MICOS10: variants seen among roughly 807,000 people sequenced by gnomAD.
MICOS10 encodes mitochondrial contact site and cristae organizing system subunit 10.
MICOS10 carries 5 observed loss-of-function variants against 13.4 expected under a neutral mutation model. The observed-to-expected ratio is 0.37, with a 90% CI of 0.20 to 0.78. MICOS10 has a LOEUF of 0.78. Among genes scored for constraint, MICOS10 ranks in the 30% least tolerant of loss-of-function variants. MICOS10 has a pLI of 0.47. For missense variants in MICOS10, 101 were observed against 94.6 expected (o/e 1.07, Z -0.28); for synonymous variants, 35 against 33.6 (o/e 1.04, Z -0.15).
chr1:19,600,058 G>A (rs1399626514), intron 1 of MICOS10, among the ~76,000 whole-genome samples: 2 of 151,912 alleles, frequency 1.3e-5, no homozygotes, highest in East Asian at 1.9e-4. Context: ...GGGAATTGAC[G>A]TAATATATTA....
chr1:19,613,362 G>T (rs573834755), intron 1 of MICOS10, among the ~76,000 whole-genome samples: 7 of 152,290 alleles, frequency 4.6e-5, no homozygotes, highest in African/African-American at 1.7e-4. Flanking sequence ...ATTGCTTACA[G>T]GGTAGAGGCC....
intron 1 of MICOS10, among the ~76,000 whole-genome samples, chr1:19,616,348 T>C (rs1480564837): frequency 6.6e-6 from 1 of 152,174 alleles, no homozygotes; most frequent in Non-Finnish European, 1.5e-5. Context: ...CCAGTTACTG[T>C]TGGTACAGAT....
At chr1:19,607,263 G>C (rs1013445005) in intron 1 of MICOS10, among the ~76,000 whole-genome samples, 1 of 152,210 alleles carries the variant, frequency 6.6e-6, no homozygotes, top group Non-Finnish European at 1.5e-5. Context: ...TGACCTTCTA[G>C]ATTCTGTTAG....
intron 1 of MICOS10, among the ~76,000 whole-genome samples, chr1:19,621,119 G>A (rs1208642031): frequency 3.9e-5 from 6 of 152,110 alleles, no homozygotes; most frequent in Non-Finnish European, 7.3e-5. Context: ...GAGGCAAGTC[G>A]CCTTAAAATT....
intron 1 of MICOS10, chr1:19,614,381 CTT>C (rs1187211233): frequency 1.4e-5 from 2 of 144,410 alleles, no homozygotes; most frequent in Admixed American, 1.3e-4. Flanking sequence ...CCCACTCTCT[CTT>C]TCACACACAC....
chr1:19,619,991 G>A (rs1476035939), intron 1 of MICOS10, among the ~76,000 whole-genome samples: 2 of 152,230 alleles, frequency 1.3e-5, no homozygotes, highest in Non-Finnish European at 2.9e-5. Context: ...AGACAGCATG[G>A]ACTTTTGAGA....
At chr1:19,606,449 C>T (rs1030229532) in intron 1 of MICOS10, among the ~76,000 whole-genome samples, 2 of 152,116 alleles carry the variant, frequency 1.3e-5, no homozygotes, top group South Asian at 2.1e-4. Context: ...TTCCTTGTTA[C>T]GAAAGTATGG....
intron 2 of MICOS10, among the ~76,000 whole-genome samples, chr1:19,622,376 C>T (rs1206735656): frequency 6.6e-6 from 1 of 152,176 alleles, no homozygotes; most frequent in Non-Finnish European, 1.5e-5. Flanking sequence ...GGCAGGGTGC[C>T]TGTTATCCTA....
At chr1:19,621,823 C>G (rs1166437416) in intron 1 of MICOS10, among the ~76,000 whole-genome samples, 3 of 152,096 alleles carry the variant, frequency 2.0e-5, no homozygotes, top group African/African-American at 7.2e-5. Context: ...AGAGAGGGTC[C>G]ACTCTAGAAC....
At chr1:19,616,631 A>T (rs2094885462) in intron 1 of MICOS10, among the ~76,000 whole-genome samples, 1 of 152,192 alleles carries the variant, frequency 6.6e-6, no homozygotes, top group Non-Finnish European at 1.5e-5. Flanking sequence ...AACCATGGAT[A>T]GTGTTAAAAT....
In MICOS10 at chr1:19,620,335, A is replaced by G. The variant is rs1230245734; in HGVS notation, c.65-1765A>G. On this transcript the variant is annotated intron_variant, in intron 1 of 3. Transcript: ENST00000322753. The stretch of plus-strand genomic sequence containing the variant: ...TTTGAAGCAACATGTTGCCTTTTAA[A>G]AGAGAATTGTGCATGTGAGAACTTG... Among the ~76,000 whole-genome samples the G allele has an allele frequency of 2.0e-5, 3 of 152,244 alleles. No homozygotes were observed. The East Asian group carries it at 5.8e-4, about 29-fold the overall frequency.
intron 1 of MICOS10, among the ~76,000 whole-genome samples, chr1:19,615,995 T>C (rs532306910): frequency 6.6e-6 from 1 of 152,228 alleles, no homozygotes; most frequent in East Asian, 1.9e-4. Flanking sequence ...CTTCGTTTAC[T>C]GCAATCTTCG....
intron 1 of MICOS10, 28 bp downstream of exon 1, chr1:19,597,137 C>T (rs751901934): frequency 2.5e-6 from 4 of 1,595,814 alleles, no homozygotes; most frequent in South Asian, 1.1e-5. Context: ...CCAGCAGGCC[C>T]GGCCGGTGCA....
chr1:19,613,536 C>G (rs2094872045), intron 1 of MICOS10, among the ~76,000 whole-genome samples: 1 of 152,188 alleles, frequency 6.6e-6, no homozygotes, highest in Non-Finnish European at 1.5e-5. Flanking sequence ...CTCAGTGCTC[C>G]TAGTACATCC....
Position 19,607,913 on chromosome 1 carries a change from A to G in MICOS10, c.64+10804A>G, listed in dbSNP as rs571336451. 2.0e-5 allele frequency among the ~76,000 whole-genome samples: 3 copies of G among 152,366 alleles called. No individual in the cohort carries two copies. In the South Asian group the frequency reaches 6.2e-4, roughly 32 times the overall value. On this transcript the variant is annotated intron_variant, in intron 1 of 3. Transcript: ENST00000322753. The stretch of plus-strand genomic sequence containing the variant: ...ATAAAGTCCAGAAATAGACCCATAC[A>G]TACATGGTCAATTCGTTTTTGACAA...
intron 3 of MICOS10, chr1:19,625,746 T>C (rs986592310): frequency 2.7e-6 from 3 of 1,101,114 alleles, no homozygotes; most frequent in Non-Finnish European, 3.5e-6. Flanking sequence ...GTGGAAAATA[T>C]TGTTCCATTT....
intron 1 of MICOS10, among the ~76,000 whole-genome samples, chr1:19,621,496 A>C (rs2094903233): frequency 6.6e-6 from 1 of 152,062 alleles, no homozygotes; most frequent in Non-Finnish European, 1.5e-5. Flanking sequence ...GTAGCATTGG[A>C]GTCTGGCAGA....
At chr1:19,611,177 C>G (rs2094859530) in intron 1 of MICOS10, among the ~76,000 whole-genome samples, 1 of 152,046 alleles carries the variant, frequency 6.6e-6, no homozygotes, top group Non-Finnish European at 1.5e-5. Flanking sequence ...GTCTCAAACT[C>G]CTGACCTCAA....
At chr1:19,612,810 T>C (rs985810232) in intron 1 of MICOS10, among the ~76,000 whole-genome samples, 19 of 152,228 alleles carry the variant, frequency 1.2e-4, no homozygotes, top group African/African-American at 4.6e-4. Context: ...GGCACATTCT[T>C]TCAACACCTT....
Sources: gnomAD v4.1 joint callset for allele counts (sites outside exome capture counted in the v4.1 genomes callset) on GRCh38, gnomAD v4.1.1 for gene constraint, MANE v1.5 for transcripts, NCBI Gene and HGNC (gene_info 2026-07-23, HGNC 2026-07-21) for gene names.